GDAP1L1: variants seen among roughly 807,000 people sequenced by gnomAD.
GDAP1L1 encodes ganglioside induced differentiation associated protein 1 like 1.
A neutral mutation model predicts 37.1 loss-of-function variants in GDAP1L1; 21 were observed. That is an observed-to-expected ratio of 0.57 (90% CI 0.40 to 0.81). The LOEUF (loss-of-function observed/expected upper bound fraction) is 0.81, where lower values mean the gene tolerates loss of function less well. GDAP1L1 is among the 40% of genes least tolerant of loss of function. The probability of loss-of-function intolerance (pLI) is 0.00; values close to 1 mark genes in which losing one functional copy is unlikely to be tolerated. For missense variants in GDAP1L1, 362 were observed against 491.6 expected (o/e 0.74, Z 2.49); for synonymous variants, 193 against 209.1 (o/e 0.92, Z 0.67).
At position 44,280,011 on chromosome 20, in the gene GDAP1L1, ACCTTG is replaced by A. The variant is rs1234869611; in HGVS notation, c.*712_*716del. 5.9e-6 allele frequency: 2 copies of A among 340,714 alleles called. No individual in the cohort carries two copies. The highest frequency in any genetic ancestry group is 1.2e-5 in the Non-Finnish European group (2 of 173,328). The allele number at this position is 340,714 out of a possible 1,614,324, so 21.1% of individuals were successfully genotyped here. A position where few individuals can be genotyped will look rare whatever the true frequency, so the allele number is the denominator to read the frequency against. ...AGGCAGCAGCCATCATCCTCTTCCT[ACCTTG>A]AGTTTTTCTACCCTGTGAGGTGGGA... On this transcript the variant is annotated 3_prime_UTR_variant, in exon 6 of 6. Coordinates refer to ENST00000342560, the MANE Select transcript of GDAP1L1 (RefSeq NM_024034.6).
At chr20:44,266,507 G>A (rs961085483) in intron 5 of GDAP1L1, among the ~76,000 whole-genome samples, 4 of 152,064 alleles carry the variant, frequency 2.6e-5, no homozygotes, top group Admixed American at 6.5e-5. Context: ...ATTCACTTAT[G>A]CATTAGTTTC....
intron 5 of GDAP1L1, among the ~76,000 whole-genome samples, chr20:44,266,264 C>T (rs780582839): frequency 2.8e-4 from 43 of 151,916 alleles, no homozygotes; most frequent in Non-Finnish European, 5.0e-4. Flanking sequence ...ACTCAGATTG[C>T]GCCACTGCAC....
At chr20:44,266,046 C>T (rs779784869) in intron 5 of GDAP1L1, among the ~76,000 whole-genome samples, 4 of 152,196 alleles carry the variant, frequency 2.6e-5, no homozygotes, top group Non-Finnish European at 4.4e-5. Context: ...CAATGGCTCA[C>T]GCCTGTAATC....
At chr20:44,271,997 C>T (rs897144415) in intron 5 of GDAP1L1, among the ~76,000 whole-genome samples, 6 of 152,158 alleles carry the variant, frequency 3.9e-5, no homozygotes, top group African/African-American at 7.2e-5. Context: ...CACTGCCAGC[C>T]GTGATGACTC....
chr20:44,257,308 C>T lies in GDAP1L1; in HGVS notation c.336C>T (p.Asp112=), dbSNP rs1430324791. The change falls in exon 2 of 6, where the codon GAC becomes GAT. Residue 112 remains aspartate, a synonymous_variant. Transcript: ENST00000342560. ...IHRDNIISDY[D]QIIDYVERTF... is the part of the protein sequence containing the mutation. ...GCGACAACATCATCAGTGACTATGA[C>T]CAGATCATTGACTATGTGGAGCGCA... is the stretch of plus-strand genomic sequence containing the variant. 4 of 1,614,040 alleles carry T rather than the reference C, an allele frequency of 2.5e-6. No homozygotes were observed. Among genetic ancestry groups the T allele is most frequent in the South Asian group, 2.2e-5 (2 of 91,074 alleles).
intron 5 of GDAP1L1, among the ~76,000 whole-genome samples, chr20:44,268,119 C>T (rs1473576024): frequency 1.3e-5 from 2 of 152,238 alleles, no homozygotes; most frequent in African/African-American, 2.4e-5. Context: ...TTTCTTCCCT[C>T]GTGGGCAGAG....
chr20:44,259,538 C>A (rs1285881604), intron 3 of GDAP1L1, among the ~76,000 whole-genome samples: 1 of 149,990 alleles, frequency 6.7e-6, no homozygotes, highest in African/African-American at 2.5e-5. Flanking sequence ...CTCTGTCATC[C>A]AGGCTGGAGT....
intron 2 of GDAP1L1, chr20:44,258,129 G>A: frequency 1.4e-6 from 1 of 716,946 alleles, no homozygotes; most frequent in Non-Finnish European, 2.6e-6. Flanking sequence ...AAGTCAAGGG[G>A]ACCCAAGCAT....
At chr20:44,276,651 G>A (rs987376125) in intron 5 of GDAP1L1, among the ~76,000 whole-genome samples, 2 of 151,210 alleles carry the variant, frequency 1.3e-5, no homozygotes, top group African/African-American at 4.8e-5. Context: ...TACTGTTAAT[G>A]ATACAGTTTA....
intron 5 of GDAP1L1, chr20:44,265,241 T>C: frequency 1.0e-6 from 1 of 985,372 alleles, no homozygotes; most frequent in African/African-American, 1.7e-5. Context: ...AACTTGGACA[T>C]GCCAGCTTCA....
intron 5 of GDAP1L1, chr20:44,264,895 G>C: frequency 4.7e-6 from 5 of 1,059,790 alleles, no homozygotes; most frequent in Non-Finnish European, 5.7e-6. Flanking sequence ...GTTTAATAAA[G>C]GTAGGTGAAG....
chr20:44,257,375 C>T (rs1234623306), intron 2 of GDAP1L1, 30 bp downstream of exon 2: 1 of 1,591,820 alleles, frequency 6.3e-7, no homozygotes, highest in Non-Finnish European at 8.6e-7. Flanking sequence ...CAGGGGCCCA[C>T]TCCATACCAC....
At chr20:44,248,762 C>T (rs550624942) in intron 1 of GDAP1L1, among the ~76,000 whole-genome samples, 1 of 152,326 alleles carries the variant, frequency 6.6e-6, no homozygotes, top group South Asian at 2.1e-4. Flanking sequence ...TTCAGTGGGT[C>T]TGGAATGGGG....
chr20:44,272,867 C>T (rs1418650803), intron 5 of GDAP1L1, among the ~76,000 whole-genome samples: 1 of 152,212 alleles, frequency 6.6e-6, no homozygotes, highest in East Asian at 1.9e-4. Context: ...GACACAGATG[C>T]CCAGGAGAGT....
chr20:44,279,381 C>A lies in GDAP1L1; in HGVS notation c.*81C>A. The A allele has an allele frequency of 1.1e-6, 1 of 888,426 alleles. No homozygotes were observed. Among genetic ancestry groups the A allele is most frequent in the Non-Finnish European group, 1.9e-6 (1 of 538,636 alleles). 55.0% of individuals were successfully genotyped at this position (888,426 alleles called of 1,614,324 possible). On this transcript the variant is annotated 3_prime_UTR_variant, in exon 6 of 6. Coordinates refer to ENST00000342560, the MANE Select transcript of GDAP1L1 (RefSeq NM_024034.6). ...CCGTGAGCTCTCAGTAACTCACTGTCTCATGAACACTTGGACAGCCCTCCC... is the reference window on the plus strand; with the variant it reads ...CCGTGAGCTCTCAGTAACTCACTGTATCATGAACACTTGGACAGCCCTCCC...
chr20:44,276,440 G>GAAAGAAAT (rs1555801185), intron 5 of GDAP1L1, among the ~76,000 whole-genome samples: 1 of 138,904 alleles, frequency 7.2e-6, no homozygotes, highest in African/African-American at 2.5e-5. Context: ...AAGAAAGAAA[G>GAAAGAAAT]AAAGAAAGAA....
chr20:44,253,863 A>T (rs967525632), intron 1 of GDAP1L1, among the ~76,000 whole-genome samples: 1 of 152,216 alleles, frequency 6.6e-6, no homozygotes, highest in Non-Finnish European at 1.5e-5. Flanking sequence ...GCCTCTAAAG[A>T]TATAGTCCCC....
chr20:44,251,323 T>C (rs1181479042), intron 1 of GDAP1L1, among the ~76,000 whole-genome samples: 1 of 152,148 alleles, frequency 6.6e-6, no homozygotes, highest in Non-Finnish European at 1.5e-5. Context: ...GCAAGCCTGG[T>C]TCATGGTTCC....
rs574772986 is a variant in GDAP1L1, at chr20:44,260,855, T to C, written c.547+2248T>C. ...AATTTGGATTTTGTCCAAAGAGCAG[T>C]GGAGAAACGGTGATGGGAAGTGACG... On this transcript the variant is annotated intron_variant, in intron 3 of 5. Transcript: ENST00000342560. Among the ~76,000 whole-genome samples the C allele has an allele frequency of 2.1e-3, 318 of 152,196 alleles. 2 individuals are homozygous for C. The highest frequency in any genetic ancestry group is 7.2e-3 in the African/African-American group (301 of 41,532).
Sources: gnomAD v4.1 joint callset for allele counts (sites outside exome capture counted in the v4.1 genomes callset) on GRCh38, gnomAD v4.1.1 for gene constraint, MANE v1.5 for transcripts, NCBI Gene and HGNC (gene_info 2026-07-23, HGNC 2026-07-21) for gene names.